HERC4: variants seen among roughly 807,000 people sequenced by gnomAD.
HERC4 encodes probable E3 ubiquitin-protein ligase HERC4.
In HERC4, 28 loss-of-function variants were observed where a neutral mutation model predicts 124.3. The observed-to-expected ratio is 0.23, with a 90% confidence interval of 0.17 to 0.31. The LOEUF (loss-of-function observed/expected upper bound fraction) is 0.31. Ranked by LOEUF, HERC4 falls within the 10% of genes least tolerant of loss-of-function variation. HERC4 has a pLI of 1.00. For missense variants in HERC4, 713 were observed against 1,229.3 expected (o/e 0.58, Z 6.28); for synonymous variants, 407 against 421.5 (o/e 0.97, Z 0.42).
chr10:67,989,738 C>G (rs943018155), intron 14 of HERC4, among the ~76,000 whole-genome samples: 1 of 151,726 alleles, frequency 6.6e-6, no homozygotes, highest in Admixed American at 6.6e-5. Flanking sequence ...GATAGAAGTG[C>G]AAGATCAGAT....
intron 7 of HERC4, among the ~76,000 whole-genome samples, chr10:68,027,775 T>C (rs1262877040): frequency 6.6e-6 from 1 of 151,730 alleles, no homozygotes; most frequent in Non-Finnish European, 1.5e-5. Flanking sequence ...ATACAAAAAT[T>C]AGCTGGGCGT....
intron 23 of HERC4, among the ~76,000 whole-genome samples, chr10:67,927,552 A>C (rs1188196969): frequency 6.7e-6 from 1 of 150,322 alleles, no homozygotes; most frequent in Non-Finnish European, 1.5e-5. Flanking sequence ...CAGCCTCCCG[A>C]GTAGCTGGGA....
At chr10:68,036,150 TA>T (rs918921739) in intron 5 of HERC4, among the ~76,000 whole-genome samples, 1 of 148,736 alleles carries the variant, frequency 6.7e-6, no homozygotes, top group African/African-American at 2.5e-5. Flanking sequence ...CCACCTCTAC[TA>T]AAAAAAAACG....
chr10:67,986,902 C>T lies in HERC4; in HGVS notation c.1806+1761G>A, dbSNP rs114169097. 7.2e-3 allele frequency among the ~76,000 whole-genome samples: 1,095 copies of T among 152,156 alleles called. 13 individuals are homozygous for T. The highest frequency in any genetic ancestry group is 0.025 in the African/African-American group (1,039 of 41,500). On this transcript the variant is annotated intron_variant, in intron 15 of 24. Coordinates refer to ENST00000373700, the MANE Select transcript of HERC4 (RefSeq NM_015601.4). ...TAGATCTAGGGGCATAAAATAAAAT[C>T]AAGCCCCCTTCTAAAGAGATTATAC...
intron 21 of HERC4, among the ~76,000 whole-genome samples, chr10:67,936,904 T>C (rs976977091): frequency 3.9e-5 from 6 of 152,146 alleles, no homozygotes; most frequent in African/African-American, 1.4e-4. Flanking sequence ...TGATGTTTAC[T>C]ATCTAGTAAA....
chr10:68,057,642 T>C lies in HERC4; in HGVS notation c.227-13079A>G, dbSNP rs564935205. Among the ~76,000 whole-genome samples the C allele has an allele frequency of 8.4e-4, 127 of 150,838 alleles. 1 individual carries two copies. Among genetic ancestry groups the C allele is most frequent in the Non-Finnish European group, 1.5e-3 (104 of 67,766 alleles). ...CTGTCTCAAAAAAAAAAAAAAAGTATAACTAAGTATATTTACTCAAGTGCC... is the reference window on the plus strand; with the variant it reads ...CTGTCTCAAAAAAAAAAAAAAAGTACAACTAAGTATATTTACTCAAGTGCC... On this transcript the variant is annotated intron_variant, in intron 3 of 24. Transcript: ENST00000373700.
At chr10:68,005,547 A>C (rs1262140262) in intron 9 of HERC4, among the ~76,000 whole-genome samples, 1 of 152,026 alleles carries the variant, frequency 6.6e-6, no homozygotes, top group Non-Finnish European at 1.5e-5. Context: ...TGTTATTATT[A>C]ATAAGGACTT....
chr10:67,944,499 C>T (rs2033169662), intron 19 of HERC4, among the ~76,000 whole-genome samples: 1 of 152,148 alleles, frequency 6.6e-6, no homozygotes, highest in Admixed American at 6.6e-5. Flanking sequence ...CAAATAAAAC[C>T]AGACTGTGAA....
chr10:68,051,522 GT>G lies in HERC4; in HGVS notation c.227-6960del, dbSNP rs898634156. 8.3e-5 allele frequency among the ~76,000 whole-genome samples: 12 copies of G among 145,344 alleles called. 1 individual carries two copies. The highest frequency in any genetic ancestry group is 8.1e-4 in the East Asian group (4 of 4,952). On this transcript the variant is annotated intron_variant, in intron 3 of 24. Transcript: ENST00000373700. ...ACCATGCCCAGCTAGTTTTTTTTTG[GT>G]TTTTTTTTTGTATTTTTAGTAGAGA...
At chr10:68,044,295 A>G in intron 4 of HERC4, 109 bp downstream of exon 4, 1 of 1,018,624 alleles carries the variant, frequency 9.8e-7, no homozygotes, top group Non-Finnish European at 1.4e-6. Context: ...CAAAGGGGAG[A>G]AATAATGAGA....
At chr10:67,959,581 G>T (rs1401116203) in intron 16 of HERC4, among the ~76,000 whole-genome samples, 3 of 151,918 alleles carry the variant, frequency 2.0e-5, no homozygotes, top group Non-Finnish European at 4.4e-5. Flanking sequence ...AGATTAAAAT[G>T]CCATATGGAC....
Position 67,988,732 on chromosome 10 carries a change from G to T in HERC4, c.1737C>A (p.Pro579=). The T allele has an allele frequency of 6.2e-7, 1 of 1,604,532 alleles. No homozygotes were observed. Among genetic ancestry groups the T allele is most frequent in the African/African-American group, 1.3e-5 (1 of 74,530 alleles). The change falls in exon 15 of 25, where the codon CCC becomes CCA. Residue 579 remains proline (P), a synonymous_variant. Coordinates refer to ENST00000373700, the MANE Select transcript of HERC4 (RefSeq NM_015601.4). The part of the protein sequence containing the change: ...HLLKLYKIGI[P]PSERRIFNSF... ...TGTTGAAAATTCTTCTTTCAGAAGG[G>T]GGAATACCGATCTTGTAGAGTTTCA...
chr10:67,988,927 T>C, intron 14 of HERC4, 92 bp from the exon 15 acceptor site: 1 of 980,684 alleles, frequency 1.0e-6, no homozygotes, highest in Non-Finnish European at 1.6e-6. Flanking sequence ...GAAACAGTAG[T>C]TGTTAAACCT....
At chr10:67,977,974 T>C (rs1428182491) in intron 15 of HERC4, among the ~76,000 whole-genome samples, 1 of 148,464 alleles carries the variant, frequency 6.7e-6, no homozygotes, top group African/African-American at 2.5e-5. Flanking sequence ...GAGCCAGACC[T>C]TGTCTCAAAA....
In HERC4 at chr10:68,068,486, CAAAAAAAAA is replaced by C. The variant is rs34779824; in HGVS notation, c.226+4388_226+4396del. The C allele has an allele frequency of 9.6e-4, 68 of 71,094 alleles. No individual in the cohort carries two copies. The South Asian group carries it at 0.012, about 13-fold the overall frequency. 4.4% of individuals were successfully genotyped at this position (71,094 alleles called of 1,614,324 possible). A position where few individuals can be genotyped will look rare whatever the true frequency, so the allele number is the denominator to read the frequency against. On this transcript the variant is annotated intron_variant, in intron 3 of 24. Coordinates refer to ENST00000373700, the MANE Select transcript of HERC4 (RefSeq NM_015601.4). ...TGGGTAACAGAGCAAGACTCCGTTT[CAAAAAAAAA>C]AAAAAAAAAAAAAAATTAGCCAGGC...
At chr10:67,947,480 C>G (rs549701137) in intron 19 of HERC4, among the ~76,000 whole-genome samples, 4 of 152,192 alleles carry the variant, frequency 2.6e-5, no homozygotes, top group African/African-American at 7.2e-5. Context: ...AGAATCAAAG[C>G]GAGGTATAGA....
intron 4 of HERC4, 183 bp from the exon 5 acceptor site, chr10:68,038,352 CA>C (rs35054670): frequency 0.44 from 135,040 of 307,036 alleles, 18,812 homozygotes; most frequent in East Asian, 0.63. Context: ...GAGCTAGATA[CA>C]AAAAAAAAAA....
intron 15 of HERC4, among the ~76,000 whole-genome samples, chr10:67,974,954 G>A (rs2035491442): frequency 6.6e-6 from 1 of 152,152 alleles, no homozygotes; most frequent in South Asian, 2.1e-4. Flanking sequence ...ACCTTGGGAG[G>A]CTGAGGTGGT....
At position 68,010,533 on chromosome 10, in the gene HERC4, T is replaced by C; in HGVS notation, c.1069+3493A>G. The C allele has an allele frequency of 3.1e-6, 3 of 961,660 alleles. No individual in the cohort carries two copies. In the South Asian group the frequency reaches 4.2e-5, roughly 13 times the overall value. The allele number at this position is 961,660 out of a possible 1,614,324, so 59.6% of individuals were successfully genotyped here. ...GTGACTGATCTGCTGCAGTGTGGGC[T>C]TCAGGCGCTGCAGGAACACATTCTC... is the stretch of plus-strand genomic sequence containing the variant. On this transcript the variant is annotated intron_variant, in intron 9 of 24. Transcript: ENST00000373700.
Sources: gnomAD v4.1 joint callset for allele counts (sites outside exome capture counted in the v4.1 genomes callset) on GRCh38, gnomAD v4.1.1 for gene constraint, MANE v1.5 for transcripts, NCBI Gene and HGNC (gene_info 2026-07-23, HGNC 2026-07-21) for gene names.